The following CTNNA3 variants were observed in gnomAD, a reference collection of about 807,000 sequenced individuals.
CTNNA3 encodes the protein catenin alpha-3.
Under a neutral mutation model 95.7 loss-of-function variants are expected in CTNNA3, and 76 were observed. The ratio of observed to expected loss-of-function variants is 0.79; its 90% confidence interval spans 0.66 to 0.96. The LOEUF is 0.96. Among genes scored for constraint, CTNNA3 ranks in the 40% least tolerant of loss-of-function variants. The probability of loss-of-function intolerance (pLI) is 0.00; values close to 1 mark genes in which losing one functional copy is unlikely to be tolerated. For synonymous variants in CTNNA3, 431 were observed against 374.4 expected, an observed-to-expected ratio of 1.15 and a Z score of -1.74; for missense variants, 1,191 against 1,089.8, an observed-to-expected ratio of 1.09 and a Z score of -1.31.
At chr10:66,607,282 TA>T (rs1268966810) in intron 10 of CTNNA3, among the ~76,000 whole-genome samples, 1 of 151,882 alleles carries the variant, frequency 6.6e-6, no homozygotes, top group Admixed American at 6.6e-5. Context: ...ATTGAATCAG[TA>T]ATAAATAGCC....
intron 13 of CTNNA3, among the ~76,000 whole-genome samples, chr10:66,107,725 T>G (rs559420658): frequency 6.6e-6 from 1 of 151,816 alleles, no homozygotes; most frequent in African/African-American, 2.4e-5. Flanking sequence ...ATTATTACAA[T>G]TAAAAATTCA....
chr10:66,869,682 C>A (rs1180303121), intron 7 of CTNNA3, among the ~76,000 whole-genome samples: 2 of 151,984 alleles, frequency 1.3e-5, no homozygotes, highest in Non-Finnish European at 2.9e-5. Flanking sequence ...TTATTTGGGG[C>A]ATGAATAAAA....
chr10:66,070,636 G>A (rs1342970866), intron 14 of CTNNA3, among the ~76,000 whole-genome samples: 2 of 152,074 alleles, frequency 1.3e-5, no homozygotes, highest in African/African-American at 4.8e-5. Flanking sequence ...AGCTGAACTG[G>A]TTAAGTGTAT....
chr10:66,397,564 G>A (rs1024877624), intron 11 of CTNNA3, among the ~76,000 whole-genome samples: 3 of 151,606 alleles, frequency 2.0e-5, no homozygotes, highest in Non-Finnish European at 3.0e-5. Context: ...ATTTTAATGA[G>A]TATTTGCAGA....
At chr10:66,581,806 T>C (rs1564547376) in intron 10 of CTNNA3, among the ~76,000 whole-genome samples, 1 of 151,598 alleles carries the variant, frequency 6.6e-6, no homozygotes, top group Non-Finnish European at 1.5e-5. Flanking sequence ...AGGTCTTTAG[T>C]CAAGGTAAAG....
chr10:66,189,639 CA>C (rs2086558761), intron 13 of CTNNA3, among the ~76,000 whole-genome samples: 1 of 125,880 alleles, frequency 7.9e-6, no homozygotes. Flanking sequence ...CACACATATA[CA>C]TATATATATA....
At chr10:66,541,695 A>G (rs1307580173) in intron 10 of CTNNA3, among the ~76,000 whole-genome samples, 2 of 152,128 alleles carry the variant, frequency 1.3e-5, no homozygotes, top group African/African-American at 4.8e-5. Flanking sequence ...TATTTTTTCT[A>G]ATAGATAAAC....
chr10:66,338,705 A>C (rs1390366508), intron 12 of CTNNA3, among the ~76,000 whole-genome samples: 1 of 151,862 alleles, frequency 6.6e-6, no homozygotes, highest in Non-Finnish European at 1.5e-5. Context: ...CAGGTTGTTA[A>C]CTGTGATTTC....
chr10:66,136,318 GGTT>G (rs2083343728), intron 13 of CTNNA3, among the ~76,000 whole-genome samples: 1 of 152,098 alleles, frequency 6.6e-6, no homozygotes, highest in Admixed American at 6.5e-5. Context: ...TTCATGTTTT[GGTT>G]GTTAAGTGAT....
At chr10:66,431,191 A>G (rs552016593) in intron 11 of CTNNA3, among the ~76,000 whole-genome samples, 9 of 152,350 alleles carry the variant, frequency 5.9e-5, no homozygotes, top group African/African-American at 9.6e-5. Context: ...GAAAACCACA[A>G]TGAGACATCG....
At chr10:67,207,080 G>A (rs567341853) in intron 6 of CTNNA3, among the ~76,000 whole-genome samples, 8 of 152,156 alleles carry the variant, frequency 5.3e-5, no homozygotes, top group Admixed American at 1.3e-4. Flanking sequence ...GCAGTGAGCC[G>A]AGATCGCACC....
At chr10:66,154,758 ATATGAAGCTCAATAT>A (rs910561709) in intron 13 of CTNNA3, among the ~76,000 whole-genome samples, 1 of 139,660 alleles carries the variant, frequency 7.2e-6, no homozygotes, top group African/African-American at 2.6e-5. Flanking sequence ...TGAACAATTT[ATATGAAGCTCAATAT>A]TAGGAAAATG....
At position 67,677,175 on chromosome 10, in the gene CTNNA3, C is replaced by T. The variant is rs527515233; in HGVS notation, c.-6+18825G>A. On this transcript the variant is annotated intron_variant, in intron 1 of 17. Transcript: ENST00000433211. ...CTCAAGTTAGAAAAAGACCCTTTTA[C>T]GCTAGTATCTGAGACACAAAATGAT... 1.1e-4 allele frequency among the ~76,000 whole-genome samples: 17 copies of T among 152,238 alleles called. No homozygotes were observed. The South Asian group carries it at 1.5e-3, about 13-fold the overall frequency.
Position 66,651,899 on chromosome 10 carries a change from C to T in CTNNA3, c.1282-30115G>A, listed in dbSNP as rs117858324. On this transcript the variant is annotated intron_variant, in intron 9 of 17. Coordinates refer to ENST00000433211, the MANE Select transcript of CTNNA3 (RefSeq NM_013266.4). The stretch of plus-strand genomic sequence containing the variant: ...CCAGAGAGGGGCTCCCACAGTGCAA[C>T]GGCTAAAAGGCTCCTCAAATGGTGG... 3.2e-4 allele frequency among the ~76,000 whole-genome samples: 49 copies of T among 152,088 alleles called. No homozygotes were observed. The East Asian group carries it at 6.2e-3, about 19-fold the overall frequency.
chr10:66,912,896 A>G (rs1161244952), intron 7 of CTNNA3, among the ~76,000 whole-genome samples: 1 of 127,874 alleles, frequency 7.8e-6, no homozygotes, highest in Non-Finnish European at 1.7e-5. Flanking sequence ...GGAAGCCACA[A>G]GTAAATACAA....
In CTNNA3 at chr10:66,355,594, CTG is replaced by C. The variant is rs371747136; in HGVS notation, c.1732+23556_1732+23557del. Among the ~76,000 whole-genome samples the C allele has an allele frequency of 5.3e-4, 80 of 152,102 alleles. No homozygotes were observed. In the East Asian group the frequency reaches 8.1e-3, roughly 15 times the overall value. ...AACTCTTTATTTTTGAATTTTTACA[CTG>C]TTTCATATATTCTAGATGCAACATT... On this transcript the variant is annotated intron_variant, in intron 12 of 17. Transcript: ENST00000433211.
chr10:67,534,609 T>C (rs1840434927), intron 4 of CTNNA3, among the ~76,000 whole-genome samples: 1 of 152,160 alleles, frequency 6.6e-6, no homozygotes, highest in African/African-American at 2.4e-5. Context: ...TTCCTGTAAG[T>C]TTCTGTAAGG....
At chr10:67,650,409 A>T (rs1245386772) in intron 1 of CTNNA3, among the ~76,000 whole-genome samples, 1 of 152,198 alleles carries the variant, frequency 6.6e-6, no homozygotes, top group Non-Finnish European at 1.5e-5. Flanking sequence ...GACTATAACA[A>T]AATTCCAGTT....
intron 12 of CTNNA3, among the ~76,000 whole-genome samples, chr10:66,338,972 T>G (rs1172853763): frequency 6.6e-6 from 1 of 151,882 alleles, no homozygotes; most frequent in Non-Finnish European, 1.5e-5. Context: ...AATAGTGAAG[T>G]AAATCACTAC....
Sources: gnomAD v4.1 joint callset for allele counts (sites outside exome capture counted in the v4.1 genomes callset) on GRCh38, gnomAD v4.1.1 for gene constraint, MANE v1.5 for transcripts, NCBI Gene and HGNC (gene_info 2026-07-23, HGNC 2026-07-21) for gene names.